GRID2: variants seen among roughly 807,000 people sequenced by gnomAD.
GRID2 encodes the protein glutamate receptor ionotropic, delta-2.
A neutral mutation model predicts 114.8 loss-of-function variants in GRID2; 33 were observed. That is an observed-to-expected ratio of 0.29 (90% CI 0.22 to 0.38). The LOEUF (loss-of-function observed/expected upper bound fraction) is 0.38. GRID2 is among the 10% of genes least tolerant of loss of function. GRID2 has a pLI of 1.00. For synonymous variants in GRID2, 505 were observed against 449.9 expected (o/e 1.12, Z -1.55); for missense variants, 1,184 against 1,257.7 (o/e 0.94, Z 0.89).
intron 1 of GRID2, among the ~76,000 whole-genome samples, chr4:92,432,936 G>A (rs2110343447): frequency 6.6e-6 from 1 of 152,258 alleles, no homozygotes; most frequent in African/African-American, 2.4e-5. Context: ...TTTACTCAAA[G>A]CCCAAGGGCT....
At chr4:92,957,570 T>A (rs1752502352) in intron 2 of GRID2, among the ~76,000 whole-genome samples, 1 of 152,110 alleles carries the variant, frequency 6.6e-6, no homozygotes, top group Admixed American at 6.6e-5. Flanking sequence ...AACAAACTTT[T>A]GAGTCAGGTA....
At chr4:92,811,808 G>A (rs1740673578) in intron 2 of GRID2, among the ~76,000 whole-genome samples, 2 of 152,064 alleles carry the variant, frequency 1.3e-5, no homozygotes, top group African/African-American at 2.4e-5. Context: ...TTGAACAAAT[G>A]TCTGTTAACA....
At chr4:93,048,812 AG>A (rs1206051329) in intron 2 of GRID2, among the ~76,000 whole-genome samples, 1 of 152,082 alleles carries the variant, frequency 6.6e-6, no homozygotes, top group Non-Finnish European at 1.5e-5. Flanking sequence ...TGGTCCAGGC[AG>A]CCTTGACATT....
At chr4:93,606,706 T>G (rs1740274216) in intron 13 of GRID2, among the ~76,000 whole-genome samples, 1 of 152,134 alleles carries the variant, frequency 6.6e-6, no homozygotes, top group Non-Finnish European at 1.5e-5. Context: ...ATTATTCAGT[T>G]TAAAGTTAAG....
chr4:93,759,369 A>G (rs1249541647), intron 14 of GRID2, among the ~76,000 whole-genome samples: 3 of 152,190 alleles, frequency 2.0e-5, no homozygotes, highest in Non-Finnish European at 2.9e-5. Flanking sequence ...ACCAAATAAC[A>G]TGTCTATAAA....
chr4:92,350,896 T>C (rs966513145), intron 1 of GRID2, among the ~76,000 whole-genome samples: 4 of 151,902 alleles, frequency 2.6e-5, no homozygotes, highest in African/African-American at 9.7e-5. Flanking sequence ...TTGCCTGTTC[T>C]GGATGTTTCA....
At chr4:92,552,095 G>A (rs1401632520) in intron 1 of GRID2, among the ~76,000 whole-genome samples, 1 of 152,062 alleles carries the variant, frequency 6.6e-6, no homozygotes, top group Admixed American at 6.6e-5. Context: ...ATTCAAAATT[G>A]GAATTTAGAT....
intron 1 of GRID2, among the ~76,000 whole-genome samples, chr4:92,588,080 G>A (rs1728533086): frequency 6.6e-6 from 1 of 152,146 alleles, no homozygotes; most frequent in African/African-American, 2.4e-5. Flanking sequence ...AACTATTAAA[G>A]AAATTTGTAT....
chr4:92,630,525 C>T (rs998472026), intron 2 of GRID2, among the ~76,000 whole-genome samples: 1 of 152,086 alleles, frequency 6.6e-6, no homozygotes, highest in Non-Finnish European at 1.5e-5. Context: ...ATGTGTTGTC[C>T]TAAGGATTCC....
chr4:93,047,763 A>G (rs960439369), intron 2 of GRID2, among the ~76,000 whole-genome samples: 1 of 152,014 alleles, frequency 6.6e-6, no homozygotes, highest in African/African-American at 2.4e-5. Flanking sequence ...AGATGGCTAG[A>G]GAAACTATCT....
chr4:92,748,884 G>A (rs1047595505), intron 2 of GRID2, among the ~76,000 whole-genome samples: 1 of 151,738 alleles, frequency 6.6e-6, no homozygotes, highest in African/African-American at 2.4e-5. Flanking sequence ...GGCAGGTCTC[G>A]AACTCCTGAG....
chr4:92,740,709 TA>T (rs1242241418), intron 2 of GRID2, among the ~76,000 whole-genome samples: 1 of 79,546 alleles, frequency 1.3e-5, no homozygotes, highest in African/African-American at 4.0e-5. Context: ...GATAGATAGA[TA>T]GATAGATAGA....
chr4:92,788,577 G>A (rs1739427946), intron 2 of GRID2, among the ~76,000 whole-genome samples: 1 of 151,768 alleles, frequency 6.6e-6, no homozygotes, highest in Non-Finnish European at 1.5e-5. Context: ...GCATTCTCAT[G>A]GATCCACATC....
chr4:92,756,973 G>A (rs1219222789), intron 2 of GRID2, among the ~76,000 whole-genome samples: 1 of 151,952 alleles, frequency 6.6e-6, no homozygotes, highest in East Asian at 1.9e-4. Context: ...CCATTTGTCT[G>A]TCTTCGTTTT....
intron 8 of GRID2, among the ~76,000 whole-genome samples, chr4:93,355,322 T>G (rs1451026949): frequency 7.2e-6 from 1 of 138,718 alleles, no homozygotes; most frequent in African/African-American, 2.6e-5. Context: ...TCTGACACCT[T>G]GGTTGAGCTG....
At chr4:92,357,924 G>A (rs2110195789) in intron 1 of GRID2, among the ~76,000 whole-genome samples, 1 of 152,028 alleles carries the variant, frequency 6.6e-6, no homozygotes, top group South Asian at 2.1e-4. Flanking sequence ...TATTTGACAA[G>A]TTTCATTACA....
At chr4:93,095,867 A>G (rs775402944) in intron 3 of GRID2, among the ~76,000 whole-genome samples, 42 of 152,074 alleles carry the variant, frequency 2.8e-4, no homozygotes, top group Non-Finnish European at 5.7e-4. Flanking sequence ...AAATTTTTAA[A>G]TTGTTTTTAG....
intron 2 of GRID2, among the ~76,000 whole-genome samples, chr4:92,899,509 T>A (rs1747409952): frequency 6.6e-6 from 1 of 152,168 alleles, no homozygotes; most frequent in Non-Finnish European, 1.5e-5. Flanking sequence ...GCATTCTAGT[T>A]ATTCAACAGG....
intron 1 of GRID2, among the ~76,000 whole-genome samples, chr4:92,488,793 G>C (rs1426272017): frequency 6.6e-6 from 1 of 152,150 alleles, no homozygotes; most frequent in Non-Finnish European, 1.5e-5. Flanking sequence ...CCTGGGGAAA[G>C]ACCAGGAAAC....
Sources: gnomAD v4.1 joint callset for allele counts (sites outside exome capture counted in the v4.1 genomes callset) on GRCh38, gnomAD v4.1.1 for gene constraint, MANE v1.5 for transcripts, NCBI Gene and HGNC (gene_info 2026-07-23, HGNC 2026-07-21) for gene names.